PRKAG2: variants seen among roughly 807,000 people sequenced by gnomAD.
PRKAG2 encodes the protein 5'-AMP-activated protein kinase subunit gamma-2.
PRKAG2 carries 26 observed loss-of-function variants against 69.6 expected under a neutral mutation model. The observed-to-expected ratio is 0.37, with a 90% CI of 0.27 to 0.52. The LOEUF (loss-of-function observed/expected upper bound fraction) is 0.52. Ranked by LOEUF, PRKAG2 falls within the 20% of genes least tolerant of loss-of-function variation. PRKAG2 has a pLI of 0.90. For missense variants in PRKAG2, 557 were observed against 740.0 expected (o/e 0.75, Z 2.87); for synonymous variants, 293 against 285.0 (o/e 1.03, Z -0.28).
intron 1 of PRKAG2, among the ~76,000 whole-genome samples, chr7:151,830,147 C>G (rs1294301518): frequency 6.8e-6 from 1 of 146,318 alleles, no homozygotes; most frequent in Non-Finnish European, 1.5e-5. Flanking sequence ...ACCATGCTCA[C>G]GAGGGGACAC....
chr7:151,661,340 G>C (rs1217601705), intron 4 of PRKAG2, among the ~76,000 whole-genome samples: 7 of 152,074 alleles, frequency 4.6e-5, no homozygotes, highest in African/African-American at 1.7e-4. Flanking sequence ...ACCGCACCCG[G>C]CTAATTTTTA....
chr7:151,814,442 T>C lies in PRKAG2; in HGVS notation c.115-27901A>G. The C allele has an allele frequency of 8.1e-7, 1 of 1,229,604 alleles. No individual in the cohort carries two copies. Among genetic ancestry groups the C allele is most frequent in the South Asian group, 4.3e-5 (1 of 23,462 alleles). The allele number at this position is 1,229,604 out of a possible 1,614,324, so 76.2% of individuals were successfully genotyped here. A position where few individuals can be genotyped will look rare whatever the true frequency, so the allele number is the denominator to read the frequency against. Reference sequence around the variant, plus strand: ...CAGCCCCAAGGGGTCCTGGAGGTCTTCTCTTCCAGATGCTAATAAGCAGTG... The same window carrying C: ...CAGCCCCAAGGGGTCCTGGAGGTCTCCTCTTCCAGATGCTAATAAGCAGTG... On this transcript the variant is annotated intron_variant, in intron 1 of 15. Transcript: ENST00000287878. The surrounding 1 kb of genome is among the most constrained non-coding windows in gnomAD (Gnocchi z 4.8).
rs564160434 is a variant in PRKAG2 at position 151,695,785 on chromosome 7, G to A, written c.467-20148C>T. 2.0e-4 allele frequency among the ~76,000 whole-genome samples: 30 copies of A among 152,294 alleles called. No individual in the cohort carries two copies. In the South Asian group the frequency reaches 6.2e-3, roughly 32 times the overall value. ...TCTCTTCTTTGTGGTCTGAGCAGAA[G>A]CTGTAAGGCTAGGCCCTGGCCTTGT... On this transcript the variant is annotated intron_variant, in intron 3 of 15. Transcript: ENST00000287878.
intron 4 of PRKAG2, among the ~76,000 whole-genome samples, chr7:151,672,996 G>A (rs777342390): frequency 6.6e-6 from 1 of 152,082 alleles, no homozygotes; most frequent in Non-Finnish European, 1.5e-5. Context: ...GGTTGTGTGG[G>A]GTATAAACAG....
chr7:151,782,074 C>T (rs940386593), intron 2 of PRKAG2, among the ~76,000 whole-genome samples: 2 of 151,874 alleles, frequency 1.3e-5, no homozygotes, highest in South Asian at 4.2e-4. Context: ...GAGTTTGAAA[C>T]CAGCCTGGCC....
Position 151,699,052 on chromosome 7 carries a change from G to C in PRKAG2, c.467-23415C>G, listed in dbSNP as rs781597007. ...GGCCGTGGGAGGGTTTCAGGACAGG[G>C]TACAGGAAATGACCTGCAAGTCTGC... On this transcript the variant is annotated intron_variant, in intron 3 of 15. Transcript: ENST00000287878. The surrounding 1 kb of genome is among the most constrained non-coding windows in gnomAD (Gnocchi z 4.5). 6.6e-6 allele frequency among the ~76,000 whole-genome samples: 1 copy of C among 152,188 alleles called. No individual in the cohort carries two copies. Among genetic ancestry groups the C allele is most frequent in the Non-Finnish European group, 1.5e-5 (1 of 68,024 alleles).
chr7:151,662,177 T>C (rs1410916809), intron 4 of PRKAG2, among the ~76,000 whole-genome samples: 1 of 152,232 alleles, frequency 6.6e-6, no homozygotes, highest in East Asian at 1.9e-4. Flanking sequence ...TTGATTTGGT[T>C]GACTTAAGGC....
intron 4 of PRKAG2, among the ~76,000 whole-genome samples, chr7:151,672,539 T>C (rs1832224361): frequency 6.6e-6 from 1 of 151,888 alleles, no homozygotes; most frequent in African/African-American, 2.4e-5. Flanking sequence ...ACTCATCTTT[T>C]CCCCTCCCCC....
intron 5 of PRKAG2, among the ~76,000 whole-genome samples, chr7:151,628,768 TA>T (rs1357688532): frequency 6.6e-6 from 1 of 152,084 alleles, no homozygotes; most frequent in African/African-American, 2.4e-5. Flanking sequence ...CCTCCCCCAA[TA>T]TGCCCACAAA....
At chr7:151,819,343 G>A (rs2078716850) in intron 1 of PRKAG2, among the ~76,000 whole-genome samples, 1 of 152,150 alleles carries the variant, frequency 6.6e-6, no homozygotes, top group South Asian at 2.1e-4. Flanking sequence ...TCGCCTATAG[G>A]GATTTGGCAA....
chr7:151,629,360 G>A (rs1341653259), intron 5 of PRKAG2, among the ~76,000 whole-genome samples: 1 of 152,176 alleles, frequency 6.6e-6, no homozygotes, highest in Non-Finnish European at 1.5e-5. Flanking sequence ...CTTTCAAAAA[G>A]ATCTGTGGCT....
intron 13 of PRKAG2, 72 bp from the exon 14 acceptor site, chr7:151,564,296 T>G (rs1805729278): frequency 6.5e-7 from 1 of 1,528,568 alleles, no homozygotes; most frequent in Non-Finnish European, 9.1e-7. Context: ...TTAGTGAGCT[T>G]AAGAGAGCCT....
intron 1 of PRKAG2, among the ~76,000 whole-genome samples, chr7:151,817,839 T>C (rs2078680762): frequency 6.6e-6 from 1 of 152,152 alleles, no homozygotes; most frequent in South Asian, 2.1e-4. Context: ...CAAAGTGATG[T>C]TCCCCTCCCC....
chr7:151,874,508 T>C (rs1394610415), intron 1 of PRKAG2, among the ~76,000 whole-genome samples: 1 of 116,282 alleles, frequency 8.6e-6, no homozygotes, highest in East Asian at 3.3e-4. Context: ...GTATATGATG[T>C]ATATGTATAT....
chr7:151,723,749 A>C (rs1161918644), intron 3 of PRKAG2, among the ~76,000 whole-genome samples: 1 of 152,158 alleles, frequency 6.6e-6, no homozygotes, highest in East Asian at 1.9e-4. Context: ...AAGGTGTGTG[A>C]GTGGCAGGTG....
At chr7:151,773,028 AGAGAGAG>A (rs2076115877) in intron 3 of PRKAG2, among the ~76,000 whole-genome samples, 81 of 50,890 alleles carry the variant, frequency 1.6e-3, no homozygotes, top group African/African-American at 7.2e-3. Context: ...AAAGAAAGAG[AGAGAGAG>A]AGAGAGAGAG....
chr7:151,871,112 G>A (rs953147530), intron 1 of PRKAG2, among the ~76,000 whole-genome samples: 2 of 152,156 alleles, frequency 1.3e-5, no homozygotes, highest in Non-Finnish European at 2.9e-5. Context: ...CAGTTCCAGA[G>A]ACACACGACA....
At chr7:151,738,928 C>T (rs534311913) in intron 3 of PRKAG2, among the ~76,000 whole-genome samples, 173 of 152,278 alleles carry the variant, frequency 1.1e-3, no homozygotes, top group African/African-American at 3.9e-3. Context: ...CAGGCTAGGG[C>T]AACAGGAAGG....
At chr7:151,865,845 C>G (rs2151909930) in intron 1 of PRKAG2, among the ~76,000 whole-genome samples, 1 of 152,036 alleles carries the variant, frequency 6.6e-6, no homozygotes, top group South Asian at 2.1e-4. Flanking sequence ...CGGTGAAACC[C>G]CGTCTCTATT....
Sources: gnomAD v4.1 joint callset for allele counts (sites outside exome capture counted in the v4.1 genomes callset) on GRCh38, gnomAD v4.1.1 for gene constraint, Gnocchi (gnomAD v3.1) non-coding constraint, MANE v1.5 for transcripts, NCBI Gene and HGNC (gene_info 2026-07-23, HGNC 2026-07-21) for gene names.